Variants in LINGO2 observed in about 807,000 individuals in gnomAD.
The protein encoded by LINGO2 is leucine-rich repeat and immunoglobulin-like domain-containing nogo receptor-interacting protein 2.
Under a neutral mutation model 30.6 loss-of-function variants are expected in LINGO2, and 14 were observed. The observed-to-expected ratio is 0.46, with a 90% CI of 0.30 to 0.72. LINGO2 has a LOEUF of 0.72. Among genes scored for constraint, LINGO2 ranks in the 30% least tolerant of loss-of-function variants. The pLI, the probability that LINGO2 is intolerant of heterozygous loss-of-function variation, is 0.07. For missense variants in LINGO2, 729 were observed against 751.7 expected, an observed-to-expected ratio of 0.97 and a Z score of 0.35; for synonymous variants, 317 against 288.5, an observed-to-expected ratio of 1.10 and a Z score of -1.00.
the LINGO2 span, among the ~76,000 whole-genome samples, chr9:28,693,997 T>C: frequency 6.6e-6 from 1 of 151,974 alleles, no homozygotes; most frequent in Non-Finnish European, 1.5e-5. Flanking sequence ...ATGTCCCTAC[T>C]GATATTTTGA....
the LINGO2 span, among the ~76,000 whole-genome samples, chr9:28,736,529 G>A: frequency 6.6e-6 from 1 of 152,116 alleles, no homozygotes; most frequent in Non-Finnish European, 1.5e-5. Flanking sequence ...GGTGGGTCAC[G>A]CCTATAATCC....
the LINGO2 span, among the ~76,000 whole-genome samples, chr9:28,677,349 A>G: frequency 4.6e-5 from 7 of 152,214 alleles, no homozygotes; most frequent in Non-Finnish European, 2.9e-5. Context: ...AGTGGCAGAA[A>G]TAGTTGAGTG....
intron 2 of LINGO2, among the ~76,000 whole-genome samples, chr9:28,457,722 T>C (rs1300549781): frequency 1.3e-5 from 2 of 152,146 alleles, no homozygotes; most frequent in Non-Finnish European, 2.9e-5. Context: ...TGAGTCACTG[T>C]GCTGCATGGA....
chr9:29,023,958 A>G, the LINGO2 span, among the ~76,000 whole-genome samples: 1 of 152,078 alleles, frequency 6.6e-6, no homozygotes, highest in Non-Finnish European at 1.5e-5. Flanking sequence ...TAACAACTTC[A>G]TGTGTTCAGA....
chr9:28,025,807 A>C (rs1823348317), intron 4 of LINGO2, among the ~76,000 whole-genome samples: 1 of 152,198 alleles, frequency 6.6e-6, no homozygotes, highest in African/African-American at 2.4e-5. Context: ...TTTTGAAGAT[A>C]TCGGTGCCAC....
chr9:28,338,451 C>T (rs779883222), intron 3 of LINGO2, among the ~76,000 whole-genome samples: 16 of 152,084 alleles, frequency 1.1e-4, no homozygotes, highest in Non-Finnish European at 2.1e-4. Context: ...TGAGTTAAGA[C>T]TTTGGGGAAC....
chr9:28,945,126 T>C, the LINGO2 span, among the ~76,000 whole-genome samples: 455 of 152,300 alleles, frequency 3.0e-3, 3 homozygotes, highest in African/African-American at 0.011. Flanking sequence ...AGTTGCATGC[T>C]ATCTTGGTAC....
the LINGO2 span, among the ~76,000 whole-genome samples, chr9:28,681,286 T>A: frequency 2.0e-5 from 3 of 152,000 alleles, no homozygotes; most frequent in Non-Finnish European, 2.9e-5. Flanking sequence ...CACTAGAAAG[T>A]CTTTTCCTGA....
intron 1 of LINGO2, among the ~76,000 whole-genome samples, chr9:28,521,149 T>C (rs1820815361): frequency 6.6e-6 from 1 of 152,222 alleles, no homozygotes; most frequent in African/African-American, 2.4e-5. Context: ...CATTCCGTTG[T>C]AGGTTCTTTT....
chr9:28,512,465 G>C (rs1180773218), intron 1 of LINGO2, among the ~76,000 whole-genome samples: 1 of 151,514 alleles, frequency 6.6e-6, no homozygotes, highest in Non-Finnish European at 1.5e-5. Flanking sequence ...TACGGCCCAA[G>C]TGGCAGAGCA....
chr9:28,072,615 C>T (rs569193100), intron 4 of LINGO2, among the ~76,000 whole-genome samples: 1 of 152,256 alleles, frequency 6.6e-6, no homozygotes, highest in East Asian at 1.9e-4. Context: ...AGCTTTTAAA[C>T]AATAGCCACT....
chr9:28,310,629 A>AC (rs1824577042), intron 3 of LINGO2, among the ~76,000 whole-genome samples: 1 of 152,220 alleles, frequency 6.6e-6, no homozygotes, highest in East Asian at 1.9e-4. Context: ...GGTGATGGAT[A>AC]CGTTCATTAT....
At chr9:28,877,426 G>A in the LINGO2 span, among the ~76,000 whole-genome samples, 19 of 152,074 alleles carry the variant, frequency 1.2e-4, no homozygotes, top group Admixed American at 6.6e-5. Context: ...ATTAATTTTT[G>A]TATAAGGTGT....
At chr9:29,057,860 G>A in the LINGO2 span, among the ~76,000 whole-genome samples, 2 of 152,102 alleles carry the variant, frequency 1.3e-5, no homozygotes, top group African/African-American at 4.8e-5. Context: ...TAAAATCCAG[G>A]GCATTCGGTA....
At chr9:28,348,138 G>A (rs915477782) in intron 3 of LINGO2, among the ~76,000 whole-genome samples, 1 of 151,968 alleles carries the variant, frequency 6.6e-6, no homozygotes, top group Admixed American at 6.6e-5. Context: ...TGTTCACGGT[G>A]GAGGAGCCAA....
the LINGO2 span, among the ~76,000 whole-genome samples, chr9:28,970,121 G>A: frequency 6.6e-6 from 1 of 152,070 alleles, no homozygotes; most frequent in Admixed American, 6.5e-5. Context: ...GTGAAGAGAA[G>A]AGATGAGGTC....
chr9:27,950,397 ATGT>A, exon 6 of LINGO2: 1 of 1,614,152 alleles, frequency 6.2e-7, no homozygotes, highest in Non-Finnish European at 8.5e-7. Context: ...ATTGGCAATG[ATGT>A]TGTCACTCAA....
chr9:28,677,718 T>C, the LINGO2 span, among the ~76,000 whole-genome samples: 1,255 of 152,284 alleles, frequency 8.2e-3, 24 homozygotes, highest in African/African-American at 0.029. Context: ...GCTACAGTCA[T>C]TTAATAAACT....
At position 28,367,059 on chromosome 9, in the gene LINGO2, T is replaced by C. The variant is rs142869388; in HGVS notation, c.-246+5777A>G. Among the ~76,000 whole-genome samples the C allele has an allele frequency of 5.9e-4, 90 of 152,286 alleles. No individual in the cohort carries two copies. The East Asian group carries it at 0.017, about 29-fold the overall frequency. The stretch of plus-strand genomic sequence containing the variant: ...TTCTTAAAACTGCCCATATGACACA[T>C]ATACATTTATCTTCTCTATATAGTT... On this transcript the variant is annotated intron_variant, in intron 3 of 5. Coordinates refer to ENST00000379992, the Ensembl canonical transcript of LINGO2.
Sources: gnomAD v4.1 joint callset for allele counts (sites outside exome capture counted in the v4.1 genomes callset) on GRCh38, gnomAD v4.1.1 for gene constraint, MANE v1.5 for transcripts, NCBI Gene and HGNC (gene_info 2026-07-23, HGNC 2026-07-21) for gene names.